The following ABCA13 variants were observed in gnomAD, a reference collection of about 807,000 sequenced individuals.
The protein encoded by ABCA13 is ATP binding cassette subfamily A member 13, also known as ATP-binding cassette sub-family A member 13.
A neutral mutation model predicts 478.7 loss-of-function variants in ABCA13; 476 were observed. The observed-to-expected ratio is 0.99, with a 90% CI of 0.92 to 1.07. The LOEUF is 1.07. Among genes scored for constraint, ABCA13 ranks in the 50% least tolerant of loss-of-function variants. The probability of loss-of-function intolerance (pLI) is 0.00; values close to 1 mark genes in which losing one functional copy is unlikely to be tolerated. For missense variants in ABCA13, 6,060 were observed against 5,910.6 expected (o/e 1.03, Z -0.83); for synonymous variants, 2,252 against 2,158.9 (o/e 1.04, Z -1.20).
At chr7:48,453,385 A>G (rs1825283376) in intron 42 of ABCA13, among the ~76,000 whole-genome samples, 1 of 152,130 alleles carries the variant, frequency 6.6e-6, no homozygotes, top group African/African-American at 2.4e-5. Flanking sequence ...ATTAAATACT[A>G]ATTTGCCTTA....
chr7:48,363,210 A>C (rs1351887753), intron 31 of ABCA13, among the ~76,000 whole-genome samples: 1 of 152,142 alleles, frequency 6.6e-6, no homozygotes, highest in African/African-American at 2.4e-5. Flanking sequence ...TCTTTGTAGC[A>C]TTTATATTTG....
At chr7:48,591,888 G>C (rs190709182) in intron 57 of ABCA13, among the ~76,000 whole-genome samples, 2 of 151,900 alleles carry the variant, frequency 1.3e-5, no homozygotes, top group East Asian at 3.9e-4. Context: ...AGTGTTTTCT[G>C]TATGTTAGAT....
chr7:48,314,556 A>G (rs1181144202), intron 26 of ABCA13, 147 bp downstream of exon 26: 1 of 753,600 alleles, frequency 1.3e-6, no homozygotes, highest in Non-Finnish European at 2.0e-6. Flanking sequence ...AAATGCTGGC[A>G]TGGCAGCTGA....
chr7:48,641,887 T>C (rs1795126017), intron 59 of ABCA13, among the ~76,000 whole-genome samples: 1 of 152,178 alleles, frequency 6.6e-6, no homozygotes, highest in Admixed American at 6.5e-5. Context: ...GATCGTGTTA[T>C]TCAGCAGCAT....
intron 31 of ABCA13, among the ~76,000 whole-genome samples, chr7:48,367,472 G>A (rs75262709): frequency 0.039 from 5,886 of 152,246 alleles, 134 homozygotes; most frequent in Middle Eastern, 0.061. Flanking sequence ...ATTAAATGGG[G>A]GAAATGGCAG....
intron 8 of ABCA13, among the ~76,000 whole-genome samples, chr7:48,234,503 T>C (rs1789652538): frequency 6.6e-6 from 1 of 152,092 alleles, no homozygotes; most frequent in African/African-American, 2.4e-5. Context: ...GCACCAGCTG[T>C]AGTGAGTGGG....
intron 15 of ABCA13, among the ~76,000 whole-genome samples, chr7:48,259,735 C>A (rs116917109): frequency 6.6e-6 from 1 of 150,424 alleles, no homozygotes; most frequent in Non-Finnish European, 1.5e-5. Context: ...TTTTTTGTGG[C>A]GCCCAGTAAC....
rs912389777 is a variant in ABCA13, at chr7:48,239,278, C to A, written c.935C>A (p.Ser312Ter). 2.5e-6 allele frequency: 4 copies of A among 1,613,778 alleles called. No homozygotes were observed. In the African/African-American group the frequency reaches 4.0e-5, roughly 16 times the overall value. The part of the protein sequence containing the change: ...TDTSLEKMVC[S>*]VLSSTSEDEA... The stretch of plus-strand genomic sequence containing the variant: ...ACTTCCTTGGAGAAGATGGTGTGTT[C>A]AGTCTTGTCTAGCACATCAGAGGAT... The change falls in exon 9 of 62, where the codon TCA (serine) becomes TAA (stop). Residue 312 changes from serine to a stop codon, truncating the protein, a stop_gained. Transcript: ENST00000435803. LOFTEE classifies it high-confidence loss of function.
intron 3 of ABCA13, among the ~76,000 whole-genome samples, chr7:48,202,489 C>A (rs1420930620): frequency 1.4e-5 from 2 of 141,460 alleles, no homozygotes; most frequent in South Asian, 2.3e-4. Context: ...CATAAAGATT[C>A]TCCAAGGCCC....
chr7:48,637,478 T>C (rs551496824), intron 59 of ABCA13, among the ~76,000 whole-genome samples: 1 of 144,466 alleles, frequency 6.9e-6, no homozygotes, highest in South Asian at 2.3e-4. Context: ...AGGTGACTGG[T>C]GTGAGAATAG....
intron 55 of ABCA13, among the ~76,000 whole-genome samples, chr7:48,532,236 T>A (rs1833289733): frequency 6.6e-6 from 1 of 152,148 alleles, no homozygotes. Context: ...AAATGCTTTT[T>A]CTGCATCTAT....
rs1300746055 is a variant in ABCA13, at chr7:48,295,698, A to G, written c.8956-2A>G. The G allele has an allele frequency of 6.2e-7, 1 of 1,613,882 alleles. No homozygotes were observed. Among genetic ancestry groups the G allele is most frequent in the East Asian group, 2.2e-5 (1 of 44,906 alleles). On this transcript the variant is annotated splice_acceptor_variant, in intron 20 of 61. Coordinates refer to ENST00000435803, the MANE Select transcript of ABCA13 (RefSeq NM_152701.5). LOFTEE classifies it high-confidence loss of function. ...AACCTATATCATTGCTATGTTTTCT[A>G]GGAAATTGAAAAGATATGGTCCTCG...
chr7:48,389,575 GC>G (rs1367644943), intron 37 of ABCA13, among the ~76,000 whole-genome samples: 1 of 152,170 alleles, frequency 6.6e-6, no homozygotes, highest in Non-Finnish European at 1.5e-5. Flanking sequence ...GTATCATCTT[GC>G]TTGCATATCT....
chr7:48,410,996 T>C (rs942815105), intron 40 of ABCA13, among the ~76,000 whole-genome samples: 1 of 104,170 alleles, frequency 9.6e-6, no homozygotes, highest in Non-Finnish European at 2.1e-5. Flanking sequence ...TCTTTCTTTC[T>C]TTCTTTCTTT....
At chr7:48,603,386 A>G (rs1791116648) in intron 58 of ABCA13, among the ~76,000 whole-genome samples, 1 of 152,046 alleles carries the variant, frequency 6.6e-6, no homozygotes, top group Non-Finnish European at 1.5e-5. Context: ...TAATCTTATT[A>G]TTTTGCAGTA....
intron 1 of ABCA13, among the ~76,000 whole-genome samples, chr7:48,191,475 C>T (rs1797099370): frequency 6.6e-6 from 1 of 152,338 alleles, no homozygotes; most frequent in East Asian, 1.9e-4. Context: ...GCAGTCTCGA[C>T]TCACTGCAAC....
Position 48,634,827 on chromosome 7 carries a change from C to T in ABCA13, c.14838-8461C>T, listed in dbSNP as rs796146389. ...GTCTCATAAGCTTTGGAATGTTGTC[C>T]CTTCATTTTCATTCATCTCAAAGTA... On this transcript the variant is annotated intron_variant, in intron 59 of 61. Transcript: ENST00000435803. Among the ~76,000 whole-genome samples the T allele has an allele frequency of 5.8e-4, 88 of 152,080 alleles. 1 individual carries two copies. Among genetic ancestry groups the T allele is most frequent in the African/African-American group, 2.1e-3 (87 of 41,484 alleles).
chr7:48,624,063 T>A (rs1299273298), intron 59 of ABCA13, among the ~76,000 whole-genome samples: 3 of 98,280 alleles, frequency 3.1e-5, no homozygotes, highest in Non-Finnish European at 6.7e-5. Context: ...TGATAGAGTG[T>A]GTGTGTGTGT....
rs1398380958 is a variant in ABCA13, at chr7:48,248,235, T to C, written c.1660-4T>C. On this transcript the variant is annotated splice_region_variant and splice_polypyrimidine_tract_variant and intron_variant, in intron 13 of 61. Coordinates refer to ENST00000435803, the MANE Select transcript of ABCA13 (RefSeq NM_152701.5). ...TATAAGCAATATCTTCTTTTCTTGTTAAGGATCGTATTTTGCAAGAGGTCA... is the reference window on the plus strand; with the variant it reads ...TATAAGCAATATCTTCTTTTCTTGTCAAGGATCGTATTTTGCAAGAGGTCA... The C allele has an allele frequency of 6.2e-7, 1 of 1,609,792 alleles. No homozygotes were observed. Among genetic ancestry groups the C allele is most frequent in the Non-Finnish European group, 8.5e-7 (1 of 1,176,642 alleles).
Sources: gnomAD v4.1 joint callset for allele counts (sites outside exome capture counted in the v4.1 genomes callset) on GRCh38, gnomAD v4.1.1 for gene constraint, MANE v1.5 for transcripts, NCBI Gene and HGNC (gene_info 2026-07-23, HGNC 2026-07-21) for gene names.